Variants in SESTD1 observed in about 807,000 individuals in gnomAD.
SESTD1 encodes SEC14 and spectrin domain containing 1.
SESTD1 carries 43 observed loss-of-function variants against 101.7 expected under a neutral mutation model. The observed-to-expected ratio is 0.42, with a 90% CI of 0.33 to 0.55. SESTD1 has a LOEUF of 0.55. SESTD1 is among the 20% of genes least tolerant of loss of function. The pLI, the probability that SESTD1 is intolerant of heterozygous loss-of-function variation, is 0.07. For missense variants in SESTD1, 647 were observed against 815.1 expected (o/e 0.79, Z 2.51); for synonymous variants, 283 against 286.8 (o/e 0.99, Z 0.13).
At position 179,200,994 on chromosome 2, in the gene SESTD1, A is replaced by C. The variant is rs1243981184; in HGVS notation, c.-25-9128T>G. On this transcript the variant is annotated intron_variant, in intron 1 of 17. Coordinates refer to ENST00000428443, the MANE Select transcript of SESTD1 (RefSeq NM_178123.5). ...ATCAGAGTGAACAGGCAACCTACAG[A>C]ATGGGAGAAAATTTTCGCAACCTAC... Among the ~76,000 whole-genome samples the C allele has an allele frequency of 1.1e-4, 15 of 134,394 alleles. 2 individuals are homozygous for C. The highest frequency in any genetic ancestry group is 1.6e-4 in the Non-Finnish European group (10 of 62,716). 88.2% of individuals were successfully genotyped at this position (134,394 alleles called of 152,430 possible). A position where few individuals can be genotyped will look rare whatever the true frequency, so the allele number is the denominator to read the frequency against.
chr2:179,201,024 T>C lies in SESTD1; in HGVS notation c.-25-9158A>G, dbSNP rs367993504. Among the ~76,000 whole-genome samples the C allele has an allele frequency of 5.3e-5, 7 of 133,084 alleles. No individual in the cohort carries two copies. In the South Asian group the frequency reaches 1.2e-3, roughly 22 times the overall value. 87.3% of individuals were successfully genotyped at this position (133,084 alleles called of 152,430 possible). On this transcript the variant is annotated intron_variant, in intron 1 of 17. Coordinates refer to ENST00000428443, the MANE Select transcript of SESTD1 (RefSeq NM_178123.5). ...GAGAAAATTTTCGCAACCTACTCAT[T>C]TGACAAAGGGCTAATATCCAGAATC...
chr2:179,179,681 T>C (rs1219923984), intron 3 of SESTD1, among the ~76,000 whole-genome samples: 1 of 152,220 alleles, frequency 6.6e-6, no homozygotes, highest in Non-Finnish European at 1.5e-5. Context: ...ATGCTTTAAA[T>C]ATGGAGTGCC....
Position 179,149,432 on chromosome 2 carries a change from T to C in SESTD1, c.484-38A>G, listed in dbSNP as rs1053067384. ...TTTTATTAACATACTAAGAACAGTC[T>C]TAAAAATTAATATGTAATAAGGATT... On this transcript the variant is annotated intron_variant, in intron 6 of 17. Transcript: ENST00000428443. 5 of 1,343,886 alleles carry C rather than the reference T, an allele frequency of 3.7e-6. No homozygotes were observed. In the African/African-American group the frequency reaches 7.4e-5, roughly 20 times the overall value. The allele number at this position is 1,343,886 out of a possible 1,614,324, so 83.2% of individuals were successfully genotyped here.
chr2:179,143,862 T>C, intron 8 of SESTD1, 59 bp from the exon 9 acceptor site: 1 of 1,552,446 alleles, frequency 6.4e-7, no homozygotes, highest in Non-Finnish European at 8.7e-7. Flanking sequence ...TTCTCACTTC[T>C]CAATATTCCC....
intron 1 of SESTD1, among the ~76,000 whole-genome samples, chr2:179,234,503 C>T (rs894529405): frequency 6.6e-6 from 1 of 152,140 alleles, no homozygotes; most frequent in African/African-American, 2.4e-5. Context: ...TCAGGCCGGA[C>T]GCAGTGGCTC....
intron 9 of SESTD1, among the ~76,000 whole-genome samples, chr2:179,141,609 G>T (rs1023910014): frequency 2.3e-4 from 34 of 151,028 alleles, no homozygotes; most frequent in Non-Finnish European, 1.3e-4. Flanking sequence ...TTTAATTCTT[G>T]TAACAGTCCT....
chr2:179,193,907 A>G (rs1238230307), intron 1 of SESTD1, among the ~76,000 whole-genome samples: 1 of 152,062 alleles, frequency 6.6e-6, no homozygotes, highest in Non-Finnish European at 1.5e-5. Context: ...CCCCAGTACT[A>G]TTTTACAGCT....
chr2:179,252,613 C>T (rs1228617044), intron 1 of SESTD1, among the ~76,000 whole-genome samples: 1 of 152,156 alleles, frequency 6.6e-6, no homozygotes, highest in East Asian at 1.9e-4. Context: ...GCTTGTCTTG[C>T]ACTTCGAGGC....
intron 10 of SESTD1, among the ~76,000 whole-genome samples, chr2:179,128,946 G>T (rs1462105286): frequency 6.6e-6 from 1 of 152,140 alleles, no homozygotes; most frequent in Non-Finnish European, 1.5e-5. Context: ...TCACATTTAG[G>T]ACACAAGCAG....
intron 9 of SESTD1, among the ~76,000 whole-genome samples, chr2:179,133,794 AT>A (rs1452936025): frequency 6.6e-6 from 1 of 152,214 alleles, no homozygotes; most frequent in African/African-American, 2.4e-5. Flanking sequence ...TTATAATTAT[AT>A]AAAAATACCA....
intron 5 of SESTD1, among the ~76,000 whole-genome samples, chr2:179,170,612 A>G (rs2045915128): frequency 6.6e-6 from 1 of 152,126 alleles, no homozygotes; most frequent in Non-Finnish European, 1.5e-5. Context: ...CTGGAGTGAT[A>G]AGTGTTTTTT....
chr2:179,150,348 A>G (rs2045491627), intron 6 of SESTD1, among the ~76,000 whole-genome samples: 1 of 152,088 alleles, frequency 6.6e-6, no homozygotes, highest in South Asian at 2.1e-4. Context: ...CAGTAGTTCA[A>G]TAAAAAAAAA....
At chr2:179,122,959 C>T (rs1391442252) in intron 12 of SESTD1, among the ~76,000 whole-genome samples, 2 of 152,124 alleles carry the variant, frequency 1.3e-5, no homozygotes, top group Non-Finnish European at 2.9e-5. Flanking sequence ...ATTTTTCAAA[C>T]CAATTCCCTA....
intron 3 of SESTD1, among the ~76,000 whole-genome samples, chr2:179,179,323 C>G (rs551422754): frequency 1.3e-5 from 2 of 152,192 alleles, no homozygotes; most frequent in Middle Eastern, 3.4e-3. Context: ...AATCTAAGAC[C>G]CAGCCTCCTA....
At chr2:179,203,839 G>A (rs2046555517) in intron 1 of SESTD1, among the ~76,000 whole-genome samples, 1 of 133,950 alleles carries the variant, frequency 7.5e-6, no homozygotes, top group East Asian at 2.0e-4. Context: ...AGGCTGTGGT[G>A]GGAGGATTGC....
chr2:179,229,142 A>G (rs979152461), intron 1 of SESTD1, among the ~76,000 whole-genome samples: 1 of 152,216 alleles, frequency 6.6e-6, no homozygotes, highest in Non-Finnish European at 1.5e-5. Flanking sequence ...TGACTGGGCC[A>G]TGAGATGCCC....
chr2:179,159,473 A>G lies in SESTD1; in HGVS notation c.370-8082T>C, dbSNP rs148862322. Among the ~76,000 whole-genome samples the G allele has an allele frequency of 2.4e-3, 365 of 152,338 alleles. 1 individual carries two copies. Among genetic ancestry groups the G allele is most frequent in the Non-Finnish European group, 4.3e-3 (293 of 68,018 alleles). On this transcript the variant is annotated intron_variant, in intron 5 of 17. Coordinates refer to ENST00000428443, the MANE Select transcript of SESTD1 (RefSeq NM_178123.5). ...CAAGCAAAAGTAAGAAACCATTTGC[A>G]GGGCGGGATTTAGGCCTGAAGTAGA...
rs756015397 is a variant in SESTD1 at position 179,121,764 on chromosome 2, C to G, written c.1442+6G>C. On this transcript the variant is annotated splice_donor_region_variant and intron_variant, in intron 13 of 17. Transcript: ENST00000428443. ...TAGTAAAAAGTAATTAACGGTCAAA[C>G]TTTGCCTTTGTTTTCTAAGCTGCAT... is the stretch of plus-strand genomic sequence containing the variant. The G allele has an allele frequency of 2.1e-5, 33 of 1,555,584 alleles. No homozygotes were observed. The Middle Eastern group carries it at 5.2e-4, about 24-fold the overall frequency.
At chr2:179,137,197 T>C (rs965860550) in intron 9 of SESTD1, among the ~76,000 whole-genome samples, 1 of 152,180 alleles carries the variant, frequency 6.6e-6, no homozygotes, top group African/African-American at 2.4e-5. Context: ...ATGCAAAGTA[T>C]AACCTTGGAG....
Sources: gnomAD v4.1 joint callset for allele counts (sites outside exome capture counted in the v4.1 genomes callset) on GRCh38, gnomAD v4.1.1 for gene constraint, MANE v1.5 for transcripts, NCBI Gene and HGNC (gene_info 2026-07-23, HGNC 2026-07-21) for gene names.